NDUFAF6: variants seen among roughly 807,000 people sequenced by gnomAD.
NDUFAF6 encodes the protein NADH dehydrogenase (ubiquinone) complex I, assembly factor 6.
A neutral mutation model predicts 40.8 loss-of-function variants in NDUFAF6; 45 were observed. That is an observed-to-expected ratio of 1.10 (90% CI 0.87 to 1.42). The LOEUF is 1.42. Among genes scored for constraint, NDUFAF6 ranks in the 40% most tolerant of loss-of-function variants. The pLI is 0.00. For missense variants in NDUFAF6, 435 were observed against 418.5 expected, an observed-to-expected ratio of 1.04 and a Z score of -0.34; for synonymous variants, 185 against 155.9, an observed-to-expected ratio of 1.19 and a Z score of -1.39.
intron 4 of NDUFAF6, among the ~76,000 whole-genome samples, chr8:95,111,173 A>T (rs1366783847): frequency 6.6e-6 from 1 of 152,178 alleles, no homozygotes; most frequent in Non-Finnish European, 1.5e-5. Context: ...GTAGGGAGAG[A>T]TGAAGCAGAG....
intron 9 of NDUFAF6, chr8:95,067,771 G>A (rs1379133945): frequency 1.3e-5 from 2 of 152,144 alleles, no homozygotes. Flanking sequence ...GCAGGGAGGT[G>A]GAGGGACTGC....
In NDUFAF6 at chr8:95,058,523, C is replaced by G; in HGVS notation, c.*586C>G. ...ACTTCTTTAAGGTTGGAGTGGCTGG[C>G]AAGAGCAGAGCCTTAATTTGACTTT... is the stretch of plus-strand genomic sequence containing the variant. On this transcript the variant is annotated 3_prime_UTR_variant, in exon 9 of 9. Transcript: ENST00000396124. The G allele has an allele frequency of 2.5e-6, 3 of 1,223,466 alleles. No homozygotes were observed. Among genetic ancestry groups the G allele is most frequent in the Non-Finnish European group, 3.1e-6 (3 of 983,316 alleles). 75.8% of individuals were successfully genotyped at this position (1,223,466 alleles called of 1,614,324 possible). A position where few individuals can be genotyped will look rare whatever the true frequency, so the allele number is the denominator to read the frequency against.
intron 2 of NDUFAF6, among the ~76,000 whole-genome samples, chr8:94,948,807 G>A (rs1322492742): frequency 1.3e-5 from 2 of 152,056 alleles, no homozygotes; most frequent in African/African-American, 4.8e-5. Flanking sequence ...GTCCCGCCGC[G>A]GCCAAGAAAA....
upstream of NDUFAF6, among the ~76,000 whole-genome samples, chr8:95,099,123 C>T (rs550709255): frequency 1.2e-4 from 18 of 151,982 alleles, no homozygotes; most frequent in Non-Finnish European, 2.1e-4. Flanking sequence ...GCCTGTAGTC[C>T]CAGCTAATCT....
chr8:95,011,041 G>A (rs911135704), intron 2 of NDUFAF6, among the ~76,000 whole-genome samples: 2 of 152,176 alleles, frequency 1.3e-5, no homozygotes, highest in Admixed American at 6.5e-5. Flanking sequence ...TCACTGCTGC[G>A]GGCCGCCCTG....
chr8:94,959,760 G>A lies in NDUFAF6; in HGVS notation c.-199+1581G>A, dbSNP rs188247024. Among the ~76,000 whole-genome samples the A allele has an allele frequency of 5.3e-5, 8 of 152,032 alleles. No individual in the cohort carries two copies. In the East Asian group the frequency reaches 1.2e-3, roughly 22 times the overall value. Reference sequence around the variant, plus strand: ...CCACTATGTTGCTCAGGCTGGTCTCGAATTCCTGGGCTCAAGTGATCCTCT... The same window carrying A: ...CCACTATGTTGCTCAGGCTGGTCTCAAATTCCTGGGCTCAAGTGATCCTCT... On this transcript the variant is annotated intron_variant, in intron 1 of 9. Transcript: ENST00000396111.
chr8:95,113,394 G>A (rs765319316), intron 4 of NDUFAF6, among the ~76,000 whole-genome samples: 10 of 152,196 alleles, frequency 6.6e-5, no homozygotes, highest in Non-Finnish European at 1.5e-4. Context: ...AGGTCTCATG[G>A]AGGAATGATC....
intron 2 of NDUFAF6, among the ~76,000 whole-genome samples, chr8:94,982,190 C>T (rs1382344967): frequency 1.3e-5 from 2 of 152,006 alleles, no homozygotes; most frequent in East Asian, 3.9e-4. Flanking sequence ...TGAGATCATG[C>T]CACTGCACTC....
chr8:95,107,993 C>T (rs10808674), downstream of NDUFAF6, among the ~76,000 whole-genome samples: 73,986 of 152,018 alleles, frequency 0.49, 19,758 homozygotes, highest in East Asian at 0.98. Flanking sequence ...ATCTTGGAAA[C>T]ATCGGCTGGC....
chr8:94,921,984 C>T (rs1819532205), intron 1 of NDUFAF6, among the ~76,000 whole-genome samples: 1 of 152,134 alleles, frequency 6.6e-6, no homozygotes, highest in Non-Finnish European at 1.5e-5. Flanking sequence ...GAAATGGGGT[C>T]CAGCAATCCG....
intron 1 of NDUFAF6, among the ~76,000 whole-genome samples, chr8:94,963,359 A>G (rs544311265): frequency 6.6e-6 from 1 of 152,316 alleles, no homozygotes. Context: ...TGGAAAGACC[A>G]CCATATAAAC....
chr8:94,897,372 A>G (rs1283570417), intron 1 of NDUFAF6, among the ~76,000 whole-genome samples: 1 of 152,182 alleles, frequency 6.6e-6, no homozygotes, highest in Non-Finnish European at 1.5e-5. Flanking sequence ...GAATAGAGTG[A>G]ATTCTCCCAT....
chr8:95,062,386 G>A (rs1015254277), downstream of NDUFAF6, among the ~76,000 whole-genome samples: 8 of 152,118 alleles, frequency 5.3e-5, no homozygotes, highest in East Asian at 1.9e-4. Context: ...AAAAACACAC[G>A]TTAATATTGT....
At chr8:95,005,924 G>A (rs938111162) in intron 2 of NDUFAF6, among the ~76,000 whole-genome samples, 3 of 152,036 alleles carry the variant, frequency 2.0e-5, no homozygotes, top group African/African-American at 2.4e-5. Flanking sequence ...CCGGGCAGAC[G>A]AGAGGAAGAA....
chr8:94,992,654 T>C (rs1057407424), intron 2 of NDUFAF6, among the ~76,000 whole-genome samples: 9 of 152,214 alleles, frequency 5.9e-5, no homozygotes, highest in African/African-American at 2.2e-4. Context: ...TTAATAATTG[T>C]TAAATCCAGT....
intron 6 of NDUFAF6, among the ~76,000 whole-genome samples, chr8:95,047,508 CTTT>C (rs373655223): frequency 1.6e-5 from 2 of 126,408 alleles, no homozygotes; most frequent in African/African-American, 5.8e-5. Flanking sequence ...CTTTTCTTTT[CTTT>C]TTTTTTTTTT....
chr8:94,936,821 A>G (rs1013855749), intron 1 of NDUFAF6, among the ~76,000 whole-genome samples: 6 of 152,186 alleles, frequency 3.9e-5, no homozygotes, highest in African/African-American at 9.7e-5. Flanking sequence ...GGTTCATTAA[A>G]TGAGTGGTAC....
chr8:95,093,675 G>T (rs1373383594), intron 2 of NDUFAF6, among the ~76,000 whole-genome samples: 2 of 152,206 alleles, frequency 1.3e-5, no homozygotes, highest in Non-Finnish European at 2.9e-5. Context: ...AATTGGAAGT[G>T]TCCTGGGCTA....
intron 4 of NDUFAF6, among the ~76,000 whole-genome samples, chr8:95,111,800 C>T (rs1218916309): frequency 6.6e-6 from 1 of 152,154 alleles, no homozygotes; most frequent in Non-Finnish European, 1.5e-5. Context: ...CAAGCCCAGA[C>T]TATAAAAGAA....
Sources: gnomAD v4.1 joint callset for allele counts (sites outside exome capture counted in the v4.1 genomes callset) on GRCh38, gnomAD v4.1.1 for gene constraint, MANE v1.5 for transcripts, NCBI Gene and HGNC (gene_info 2026-07-23, HGNC 2026-07-21) for gene names.